ATP10A: variants seen among roughly 807,000 people sequenced by gnomAD.
ATP10A encodes the protein phospholipid-transporting ATPase VA.
ATP10A carries 111 observed loss-of-function variants against 147.8 expected under a neutral mutation model. That is an observed-to-expected ratio of 0.75 (90% CI 0.64 to 0.88). The LOEUF is 0.88. Ranked by LOEUF, ATP10A falls within the 40% of genes least tolerant of loss-of-function variation. ATP10A has a pLI of 0.00. For synonymous variants in ATP10A, 875 were observed against 841.6 expected, an observed-to-expected ratio of 1.04 and a Z score of -0.69; for missense variants, 1,927 against 1,959.0, an observed-to-expected ratio of 0.98 and a Z score of 0.31.
chr15:25,831,865 T>C (rs139865700), intron 1 of ATP10A, among the ~76,000 whole-genome samples: 5 of 152,324 alleles, frequency 3.3e-5, no homozygotes, highest in African/African-American at 9.6e-5. Context: ...AGTAGGACAG[T>C]GCCAGTACGT....
chr15:25,770,275 A>T (rs1304691413), intron 2 of ATP10A, among the ~76,000 whole-genome samples: 3 of 152,156 alleles, frequency 2.0e-5, no homozygotes, highest in Non-Finnish European at 4.4e-5. Flanking sequence ...GGATCGGCCC[A>T]GCCCAGCCCA....
chr15:25,756,526 C>T (rs1423148981), intron 2 of ATP10A, among the ~76,000 whole-genome samples: 1 of 152,050 alleles, frequency 6.6e-6, no homozygotes, highest in African/African-American at 2.4e-5. Flanking sequence ...ACCTGTAGTC[C>T]CAGCTACTCG....
intron 10 of ATP10A, among the ~76,000 whole-genome samples, chr15:25,712,427 T>A (rs1419836744): frequency 6.6e-6 from 1 of 152,194 alleles, no homozygotes; most frequent in Non-Finnish European, 1.5e-5. Context: ...AGCCCCCACA[T>A]GCCAGGGCCA....
chr15:25,797,598 G>A (rs1384611798), intron 1 of ATP10A, among the ~76,000 whole-genome samples: 3 of 152,224 alleles, frequency 2.0e-5, no homozygotes, highest in Non-Finnish European at 4.4e-5. Context: ...CCAGGTGCCA[G>A]TGCTGCAGGT....
chr15:25,767,000 T>C (rs1239696076), intron 2 of ATP10A, among the ~76,000 whole-genome samples: 1 of 151,994 alleles, frequency 6.6e-6, no homozygotes, highest in African/African-American at 2.4e-5. Context: ...TTGCCCTGCC[T>C]GGTTTCTTGG....
intron 1 of ATP10A, among the ~76,000 whole-genome samples, chr15:25,784,930 A>AG (rs1890087994): frequency 6.6e-6 from 1 of 151,814 alleles, no homozygotes; most frequent in African/African-American, 2.4e-5. Flanking sequence ...TCAAAAAAAA[A>AG]AAAAAGAAAA....
Position 25,679,430 on chromosome 15 carries a change from G to A in ATP10A, c.4411C>T (p.Leu1471Phe). ...QLADGQAGRGLPVQPHSGRSG... is the reference protein window; with the variant it reads ...QLADGQAGRGFPVQPHSGRSG... ...CGGCCTGAGTGGGGCTGGACAGGAAGTCCACGTCCCGCTTGTCCATCTGCA... is the reference window on the plus strand; with the variant it reads ...CGGCCTGAGTGGGGCTGGACAGGAAATCCACGTCCCGCTTGTCCATCTGCA... Residue 1471 changes from leucine (L) to phenylalanine (F), a missense_variant, in exon 21 of 21, where the codon CTT (leucine) becomes TTT (phenylalanine). By Grantham distance (22) the Leu-to-Phe change is conservative. Transcript: ENST00000555815. 1 of 1,613,984 alleles carries A rather than the reference G, an allele frequency of 6.2e-7. No individual in the cohort carries two copies. Among genetic ancestry groups the A allele is most frequent in the Non-Finnish European group, 8.5e-7 (1 of 1,179,896 alleles).
downstream of ATP10A, chr15:25,678,010 C>T (rs547362608): frequency 1.3e-5 from 2 of 152,280 alleles, no homozygotes; most frequent in Non-Finnish European, 2.9e-5. Flanking sequence ...CAAGCATCCC[C>T]GTGAACAGAG....
chr15:25,718,670 G>A lies in ATP10A; in HGVS notation c.1364-271C>T, dbSNP rs552107013. 3.8e-4 allele frequency among the ~76,000 whole-genome samples: 58 copies of A among 152,306 alleles called. 1 individual carries two copies. Among genetic ancestry groups the A allele is most frequent in the African/African-American group, 1.4e-3 (58 of 41,562 alleles). On this transcript the variant is annotated intron_variant, in intron 7 of 20. Coordinates refer to ENST00000555815, the MANE Select transcript of ATP10A (RefSeq NM_024490.4). ...TAAGGTCGCACAACTTAGGGGAAGG[G>A]GAACGGGTTGACGTCCAGCCGGTCT...
chr15:25,736,399 T>C (rs1478614907), intron 2 of ATP10A, among the ~76,000 whole-genome samples: 1 of 152,226 alleles, frequency 6.6e-6, no homozygotes, highest in Non-Finnish European at 1.5e-5. Flanking sequence ...ACTGCAGCTC[T>C]ATTGCAAAAT....
intron 2 of ATP10A, among the ~76,000 whole-genome samples, chr15:25,768,683 ATTT>A (rs143608940): frequency 0.31 from 27,600 of 89,722 alleles, 3,438 homozygotes; most frequent in East Asian, 0.47. Flanking sequence ...AGCTGGGCTA[ATTT>A]TTTTTTTTTT....
At chr15:25,810,788 G>A (rs1038699096) in intron 1 of ATP10A, among the ~76,000 whole-genome samples, 4 of 152,216 alleles carry the variant, frequency 2.6e-5, no homozygotes, top group South Asian at 2.1e-4. Flanking sequence ...ACGAGGAATC[G>A]AGGTGGTTAG....
chr15:25,844,157 C>T (rs769233441), intron 1 of ATP10A, among the ~76,000 whole-genome samples: 9 of 152,130 alleles, frequency 5.9e-5, no homozygotes, highest in Admixed American at 4.6e-4. Flanking sequence ...ACACTTTGCT[C>T]GCATATTTGT....
At chr15:25,856,614 G>A (rs1018966687) in intron 1 of ATP10A, among the ~76,000 whole-genome samples, 11 of 152,132 alleles carry the variant, frequency 7.2e-5, no homozygotes, top group African/African-American at 2.4e-4. Context: ...TAATAAATTA[G>A]GACACCACCA....
intron 3 of ATP10A, among the ~76,000 whole-genome samples, chr15:25,729,763 C>A (rs368989518): frequency 6.6e-6 from 1 of 152,176 alleles, no homozygotes; most frequent in Non-Finnish European, 1.5e-5. Context: ...GCCTTCAGGG[C>A]AGTCCTCCAT....
At chr15:25,806,705 G>A (rs1293698373) in intron 1 of ATP10A, among the ~76,000 whole-genome samples, 1 of 152,084 alleles carries the variant, frequency 6.6e-6, no homozygotes, top group African/African-American at 2.4e-5. Context: ...TGAGTTAATC[G>A]ACTGTTTATG....
intron 12 of ATP10A, among the ~76,000 whole-genome samples, chr15:25,704,622 T>C (rs1472279568): frequency 6.6e-6 from 1 of 152,180 alleles, no homozygotes; most frequent in African/African-American, 2.4e-5. Flanking sequence ...ACACTCACCT[T>C]TATAAGGTGT....
intron 8 of ATP10A, among the ~76,000 whole-genome samples, chr15:25,717,347 A>T (rs554870641): frequency 5.3e-5 from 8 of 152,372 alleles, no homozygotes; most frequent in Non-Finnish European, 8.8e-5. Flanking sequence ...CTGGATATTT[A>T]AATTTCTTTC....
At chr15:25,712,396 C>T (rs1043717502) in intron 10 of ATP10A, among the ~76,000 whole-genome samples, 3 of 152,220 alleles carry the variant, frequency 2.0e-5, no homozygotes, top group Non-Finnish European at 2.9e-5. Context: ...ACTGGACAGG[C>T]CTCGCCTGCC....
Sources: allele counts gnomAD v4.1 joint callset (sites outside exome capture counted in the v4.1 genomes callset), GRCh38; gene constraint gnomAD v4.1.1; transcripts MANE v1.5; gene names NCBI Gene and HGNC (gene_info 2026-07-23, HGNC 2026-07-21).